HDAC9: variants seen among roughly 807,000 people sequenced by gnomAD.
HDAC9 encodes the protein histone deacetylase 9, also known as MEF-2 interacting transcription repressor (MITR) protein.
In HDAC9, 41 loss-of-function variants were observed where a neutral mutation model predicts 139.4. The ratio of observed to expected loss-of-function variants is 0.29; its 90% CI spans 0.23 to 0.38. HDAC9 has a LOEUF of 0.38. Ranked by LOEUF, HDAC9 falls within the 10% of genes least tolerant of loss-of-function variation. The pLI is 1.00. For missense variants in HDAC9, 1,147 were observed against 1,297.0 expected (o/e 0.88, Z 1.78); for synonymous variants, 517 against 476.2 (o/e 1.09, Z -1.12).
chr7:18,217,107 TTTC>T (rs1249876600), intron 2 of HDAC9, among the ~76,000 whole-genome samples: 3 of 152,210 alleles, frequency 2.0e-5, no homozygotes, highest in Non-Finnish European at 4.4e-5. Context: ...TTTACTTAAA[TTTC>T]TTCTAGAACT....
At chr7:18,185,059 G>T (rs1789797275) in intron 2 of HDAC9, among the ~76,000 whole-genome samples, 1 of 152,178 alleles carries the variant, frequency 6.6e-6, no homozygotes, top group African/African-American at 2.4e-5. Flanking sequence ...AAAAGTGTTT[G>T]ATTAGAATCA....
chr7:18,616,496 T>A (rs1838636495), intron 6 of HDAC9, among the ~76,000 whole-genome samples: 1 of 152,120 alleles, frequency 6.6e-6, no homozygotes, highest in South Asian at 2.1e-4. Context: ...AGAGGTGAAA[T>A]TTTGCCTTTT....
At chr7:18,872,291 A>G (rs1798981400) in intron 21 of HDAC9, among the ~76,000 whole-genome samples, 1 of 152,122 alleles carries the variant, frequency 6.6e-6, no homozygotes, top group South Asian at 2.1e-4. Flanking sequence ...ACCCACAGGA[A>G]ATTAGAAAAG....
chr7:18,857,070 T>C (rs970365493), intron 21 of HDAC9, among the ~76,000 whole-genome samples: 1 of 152,222 alleles, frequency 6.6e-6, no homozygotes, highest in Non-Finnish European at 1.5e-5. Flanking sequence ...ATATATGTCA[T>C]GTTTCAACTT....
chr7:18,834,380 G>GTT (rs141925606), intron 19 of HDAC9, among the ~76,000 whole-genome samples: 1 of 146,436 alleles, frequency 6.8e-6, no homozygotes, highest in Admixed American at 6.8e-5. Context: ...TAATTGAGGT[G>GTT]TTTTTTTTTT....
At chr7:18,800,403 T>C (rs1052247144) in intron 17 of HDAC9, among the ~76,000 whole-genome samples, 1 of 152,228 alleles carries the variant, frequency 6.6e-6, no homozygotes, top group Non-Finnish European at 1.5e-5. Flanking sequence ...AAACATTCCA[T>C]GAGAGGTTTT....
intron 1 of HDAC9, among the ~76,000 whole-genome samples, chr7:18,489,087 A>G (rs552770690): frequency 6.6e-5 from 10 of 152,166 alleles, no homozygotes; most frequent in African/African-American, 2.2e-4. Flanking sequence ...TTTACTCAAG[A>G]TCAGTAGTCA....
intron 22 of HDAC9, among the ~76,000 whole-genome samples, chr7:18,929,647 A>T (rs576547449): frequency 1.3e-5 from 2 of 152,108 alleles, no homozygotes; most frequent in African/African-American, 4.8e-5. Context: ...TTTAAAAAGT[A>T]TCTGACACGG....
At chr7:18,451,730 A>C (rs764326644) in intron 1 of HDAC9, among the ~76,000 whole-genome samples, 36 of 151,918 alleles carry the variant, frequency 2.4e-4, no homozygotes, top group Non-Finnish European at 5.9e-5. Context: ...AACATTTGCT[A>C]TTCAGCCCTA....
chr7:18,762,286 G>A lies in HDAC9; in HGVS notation c.2164+9G>A, dbSNP rs1294925620. On this transcript the variant is annotated intron_variant, in intron 15 of 25. Transcript: ENST00000686413. ...CCCCAGGATACTCCTAGGTCTGTAC[G>A]GGCCTCCACTGTACTGGGAACAGCA... is the stretch of plus-strand genomic sequence containing the variant. 26 of 1,612,886 alleles carry A rather than the reference G, an allele frequency of 1.6e-5. No homozygotes were observed. The highest frequency in any genetic ancestry group is 2.0e-5 in the Non-Finnish European group (24 of 1,179,392).
chr7:18,407,258 C>T (rs2128740971), intron 1 of HDAC9, among the ~76,000 whole-genome samples: 1 of 152,276 alleles, frequency 6.6e-6, no homozygotes, highest in East Asian at 1.9e-4. Context: ...AGAAAAACTC[C>T]TGAATGCTAT....
chr7:18,249,445 A>G lies in HDAC9; in HGVS notation c.25+87096A>G, dbSNP rs200904577. ...TTGAGCCTGGGAAGTGGAGGTTTCA[A>G]TGAGCTGAGATCATGCCACTGCACT... is the stretch of plus-strand genomic sequence containing the variant. On this transcript the variant is annotated intron_variant, in intron 2 of 12. Coordinates refer to the HDAC9 transcript ENST00000417496. Among the ~76,000 whole-genome samples the G allele has an allele frequency of 1.1e-4, 15 of 139,374 alleles. No homozygotes were observed. In the East Asian group the frequency reaches 1.1e-3, roughly 11 times the overall value. The allele number at this position is 139,374 out of a possible 152,430, so 91.4% of individuals were successfully genotyped here.
At chr7:18,245,327 G>A (rs749244724) in intron 2 of HDAC9, among the ~76,000 whole-genome samples, 6 of 152,308 alleles carry the variant, frequency 3.9e-5, no homozygotes, top group South Asian at 4.1e-4. Flanking sequence ...CTTCCAACCT[G>A]TAGAATTGCA....
chr7:18,319,111 A>G (rs2128633429), intron 1 of HDAC9, among the ~76,000 whole-genome samples: 1 of 152,336 alleles, frequency 6.6e-6, no homozygotes, highest in East Asian at 1.9e-4. Context: ...TTGCTTTTAC[A>G]GTTCTGAGCT....
intron 16 of HDAC9, among the ~76,000 whole-genome samples, chr7:18,791,190 G>A (rs1054588349): frequency 1.4e-4 from 22 of 152,234 alleles, no homozygotes; most frequent in South Asian, 4.1e-4. Context: ...ACTGCTTTAA[G>A]AAATAAAGAA....
intron 12 of HDAC9, among the ~76,000 whole-genome samples, chr7:18,685,685 C>T (rs1179379796): frequency 6.6e-6 from 1 of 151,822 alleles, no homozygotes; most frequent in African/African-American, 2.4e-5. Context: ...TATTTTTGAA[C>T]TAGAATTGGC....
intron 17 of HDAC9, among the ~76,000 whole-genome samples, chr7:18,826,152 G>C (rs1218829894): frequency 6.6e-6 from 1 of 152,106 alleles, no homozygotes; most frequent in African/African-American, 2.4e-5. Flanking sequence ...TCAGAGTCAG[G>C]CATCTTACTG....
chr7:18,479,129 A>G (rs1179129516), intron 1 of HDAC9, among the ~76,000 whole-genome samples: 1 of 152,082 alleles, frequency 6.6e-6, no homozygotes, highest in Non-Finnish European at 1.5e-5. Flanking sequence ...TATCATGTTT[A>G]TCAATCTTTT....
chr7:18,984,154 C>T (rs1444877012), intron 25 of HDAC9, among the ~76,000 whole-genome samples: 1 of 152,028 alleles, frequency 6.6e-6, no homozygotes, highest in East Asian at 1.9e-4. Flanking sequence ...CTGTAAGCTC[C>T]TTATGAATAG....
Sources: allele counts gnomAD v4.1 joint callset (sites outside exome capture counted in the v4.1 genomes callset), GRCh38; gene constraint gnomAD v4.1.1; transcripts MANE v1.5; gene names NCBI Gene and HGNC (gene_info 2026-07-23, HGNC 2026-07-21).